The following FSTL4 variants were observed in gnomAD, a reference collection of about 807,000 sequenced individuals.
The protein encoded by FSTL4 is follistatin-related protein 4.
FSTL4 carries 28 observed loss-of-function variants against 78.2 expected under a neutral mutation model. That is an observed-to-expected ratio of 0.36 (90% CI 0.27 to 0.49). The LOEUF is 0.49. Ranked by LOEUF, FSTL4 falls within the 20% of genes least tolerant of loss-of-function variation. The pLI is 0.98. For missense variants in FSTL4, 922 were observed against 1,084.9 expected, an observed-to-expected ratio of 0.85 and a Z score of 2.11; for synonymous variants, 422 against 440.5, an observed-to-expected ratio of 0.96 and a Z score of 0.53.
At chr5:133,782,252 A>T in the FSTL4 span, among the ~76,000 whole-genome samples, 1 of 152,262 alleles carries the variant, frequency 6.6e-6, no homozygotes, top group Non-Finnish European at 1.5e-5. Context: ...ATCGGCAAAG[A>T]CATATTTTAT....
At chr5:133,730,209 C>T in the FSTL4 span, among the ~76,000 whole-genome samples, 6 of 152,182 alleles carry the variant, frequency 3.9e-5, no homozygotes, top group African/African-American at 1.4e-4. Flanking sequence ...TGTGCCATTC[C>T]TTATCTCTAG....
chr5:133,405,550 C>A (rs1397009553), intron 3 of FSTL4, among the ~76,000 whole-genome samples: 1 of 152,216 alleles, frequency 6.6e-6, no homozygotes. Flanking sequence ...TTGGGTTTCT[C>A]AATGACCCAG....
chr5:133,799,272 C>G, the FSTL4 span, among the ~76,000 whole-genome samples: 7 of 137,620 alleles, frequency 5.1e-5, 1 homozygote, highest in African/African-American at 1.9e-4. Flanking sequence ...GGAGTCAACA[C>G]CAGGGGTGAG....
At chr5:133,802,286 GA>G in the FSTL4 span, among the ~76,000 whole-genome samples, 1 of 152,184 alleles carries the variant, frequency 6.6e-6, no homozygotes, top group African/African-American at 2.4e-5. Flanking sequence ...AGGTTGATGG[GA>G]ACTAAGGAAT....
chr5:133,757,884 A>T, the FSTL4 span, among the ~76,000 whole-genome samples: 1 of 152,246 alleles, frequency 6.6e-6, no homozygotes, highest in Non-Finnish European at 1.5e-5. Flanking sequence ...TTTTAAATCC[A>T]AGGGCTTGAC....
Position 133,286,668 on chromosome 5 carries a change from TGCAGGCAGG to T in FSTL4, c.727+25977_727+25985del, listed in dbSNP as rs571628524. 2.5e-3 allele frequency among the ~76,000 whole-genome samples: 377 copies of T among 152,286 alleles called. 1 individual carries two copies. The highest frequency in any genetic ancestry group is 8.6e-3 in the African/African-American group (357 of 41,564). On this transcript the variant is annotated intron_variant, in intron 6 of 15. Transcript: ENST00000265342. ...CTATGCATCTGAAGCAAGGTAGGAC[TGCAGGCAGG>T]GGACTTAGGGAGGGCTTCCTGGAGG...
the FSTL4 span, among the ~76,000 whole-genome samples, chr5:133,641,379 C>T: frequency 6.6e-6 from 1 of 152,270 alleles, no homozygotes; most frequent in African/African-American, 2.4e-5. Context: ...TGGAATAATA[C>T]ATTTTTTGTA....
At chr5:133,749,603 A>T in the FSTL4 span, among the ~76,000 whole-genome samples, 1 of 152,176 alleles carries the variant, frequency 6.6e-6, no homozygotes, top group Non-Finnish European at 1.5e-5. Context: ...ACCTAATAAC[A>T]TGTTCACATT....
the FSTL4 span, among the ~76,000 whole-genome samples, chr5:133,641,168 C>T: frequency 6.6e-6 from 1 of 152,068 alleles, no homozygotes; most frequent in Admixed American, 6.6e-5. Context: ...CCTAAGGGCT[C>T]ATGGGAATGT....
the FSTL4 span, among the ~76,000 whole-genome samples, chr5:133,826,142 G>A: frequency 6.6e-6 from 1 of 152,222 alleles, no homozygotes; most frequent in Non-Finnish European, 1.5e-5. Context: ...GGGACTCCAG[G>A]CTACATGAGA....
At chr5:133,768,146 T>C in the FSTL4 span, among the ~76,000 whole-genome samples, 1 of 152,160 alleles carries the variant, frequency 6.6e-6, no homozygotes, top group Admixed American at 6.5e-5. Context: ...AAGGTATTCC[T>C]CCTCCTGGGG....
chr5:133,593,163 G>C (rs1245433266), intron 2 of FSTL4, among the ~76,000 whole-genome samples: 2 of 152,052 alleles, frequency 1.3e-5, no homozygotes, highest in Non-Finnish European at 2.9e-5. Flanking sequence ...GAATGTGGCT[G>C]CCCTGTGGGT....
At chr5:133,668,482 A>G in the FSTL4 span, among the ~76,000 whole-genome samples, 1 of 152,144 alleles carries the variant, frequency 6.6e-6, no homozygotes, top group Non-Finnish European at 1.5e-5. Flanking sequence ...ATGCATCTCT[A>G]TTTCCTCTAC....
At chr5:133,333,312 G>A (rs985357589) in intron 4 of FSTL4, among the ~76,000 whole-genome samples, 24 of 152,220 alleles carry the variant, frequency 1.6e-4, no homozygotes, top group African/African-American at 4.6e-4. Flanking sequence ...GGGGCCCCGG[G>A]CAATGGCGAT....
chr5:133,499,493 A>G (rs1462001852), intron 3 of FSTL4, among the ~76,000 whole-genome samples: 1 of 152,036 alleles, frequency 6.6e-6, no homozygotes, highest in Non-Finnish European at 1.5e-5. Flanking sequence ...TGGCGCGTCT[A>G]GTATCAGCTT....
the FSTL4 span, among the ~76,000 whole-genome samples, chr5:133,715,197 A>G: frequency 6.6e-6 from 1 of 152,276 alleles, no homozygotes; most frequent in South Asian, 2.1e-4. Flanking sequence ...AAATAATTGC[A>G]TAAACTCCAA....
chr5:133,346,277 C>A (rs559548376), intron 4 of FSTL4, among the ~76,000 whole-genome samples: 16 of 152,218 alleles, frequency 1.1e-4, no homozygotes, highest in African/African-American at 3.6e-4. Flanking sequence ...AGCATTAGAA[C>A]AAATACCTAA....
the FSTL4 span, among the ~76,000 whole-genome samples, chr5:133,739,254 A>G: frequency 6.6e-6 from 1 of 152,124 alleles, no homozygotes; most frequent in African/African-American, 2.4e-5. Context: ...CACAGAGCCT[A>G]AGAAACCAAT....
chr5:133,394,546 C>T (rs1010610137), intron 4 of FSTL4, among the ~76,000 whole-genome samples: 1 of 152,240 alleles, frequency 6.6e-6, no homozygotes, highest in African/African-American at 2.4e-5. Context: ...TGCCGGCCCA[C>T]CGGGCTGTTC....
Sources: gnomAD v4.1 joint callset for allele counts (sites outside exome capture counted in the v4.1 genomes callset) on GRCh38, gnomAD v4.1.1 for gene constraint, MANE v1.5 for transcripts, NCBI Gene and HGNC (gene_info 2026-07-23, HGNC 2026-07-21) for gene names.